Variants in SKIC3 observed in about 807,000 individuals in gnomAD.
The protein encoded by SKIC3 is SKI3 subunit of superkiller complex.
At chr5:95,506,152 C>T in the SKIC3 span, among the ~76,000 whole-genome samples, 1 of 152,012 alleles carries the variant, frequency 6.6e-6, no homozygotes, top group African/African-American at 2.4e-5. Context: ...TTAAATTTAA[C>T]AGTTTAAAAT....
the SKIC3 span, chr5:95,547,254 G>A: frequency 9.6e-6 from 9 of 936,344 alleles, no homozygotes; most frequent in Non-Finnish European, 1.0e-5. Context: ...AAAAGGAAAA[G>A]ACTCCTTCTC....
At chr5:95,523,669 C>A in the SKIC3 span, 3 of 1,613,442 alleles carry the variant, frequency 1.9e-6, no homozygotes, top group Admixed American at 5.0e-5. Flanking sequence ...TCTTCAAGCT[C>A]CACACTTAGG....
the SKIC3 span, among the ~76,000 whole-genome samples, chr5:95,475,754 T>G: frequency 6.6e-6 from 1 of 152,214 alleles, no homozygotes; most frequent in Admixed American, 6.5e-5. Flanking sequence ...GGTGAACTCT[T>G]GCACTTGGTT....
At chr5:95,530,278 AT>A in the SKIC3 span, 2 of 1,601,894 alleles carry the variant, frequency 1.2e-6, no homozygotes, top group Non-Finnish European at 8.5e-7. Context: ...GAGTTTCTAA[AT>A]GCCCAAACCC....
At chr5:95,515,202 A>C in the SKIC3 span, 1 of 378,632 alleles carries the variant, frequency 2.6e-6, no homozygotes, top group Admixed American at 3.8e-5. Flanking sequence ...TAACCAACCA[A>C]TCATCCATCC....
chr5:95,473,991 G>A, the SKIC3 span, among the ~76,000 whole-genome samples: 5 of 152,018 alleles, frequency 3.3e-5, no homozygotes, highest in South Asian at 2.1e-4. Context: ...CAAGGCCGAC[G>A]TCAAAAAAGG....
the SKIC3 span, chr5:95,525,550 A>C: frequency 6.2e-7 from 1 of 1,613,900 alleles, no homozygotes; most frequent in Non-Finnish European, 8.5e-7. Context: ...AAATGCTTTT[A>C]ACTCAAAAAA....
the SKIC3 span, chr5:95,530,172 T>C: frequency 6.2e-7 from 1 of 1,613,732 alleles, no homozygotes; most frequent in Non-Finnish European, 8.5e-7. Flanking sequence ...TGGACCACTT[T>C]TTGAATCCAT....
chr5:95,500,021 C>CT, the SKIC3 span, among the ~76,000 whole-genome samples: 25 of 148,608 alleles, frequency 1.7e-4, no homozygotes, highest in Admixed American at 3.4e-4. Context: ...TTTTTAAAAA[C>CT]TTTTTTTTTT....
chr5:95,499,651 T>C, the SKIC3 span, among the ~76,000 whole-genome samples: 1 of 152,292 alleles, frequency 6.6e-6, no homozygotes, highest in East Asian at 1.9e-4. Flanking sequence ...TTAGAAGGTA[T>C]AAATAATAAA....
At chr5:95,466,167 C>T in the SKIC3 span, among the ~76,000 whole-genome samples, 8 of 152,244 alleles carry the variant, frequency 5.3e-5, no homozygotes, top group African/African-American at 1.4e-4. Flanking sequence ...TAACCCAATA[C>T]ATTTGTATAT....
the SKIC3 span, among the ~76,000 whole-genome samples, chr5:95,486,722 G>A: frequency 3.3e-5 from 5 of 152,142 alleles, no homozygotes; most frequent in East Asian, 1.9e-4. Flanking sequence ...CCAATCTGCC[G>A]CTAACACCGC....
chr5:95,495,883 A>G, the SKIC3 span, among the ~76,000 whole-genome samples: 1 of 152,354 alleles, frequency 6.6e-6, no homozygotes, highest in Admixed American at 6.5e-5. Context: ...TTAAAAACAT[A>G]TTCTTAAAAG....
the SKIC3 span, chr5:95,512,394 T>C: frequency 2.7e-6 from 4 of 1,470,234 alleles, no homozygotes; most frequent in Middle Eastern, 2.4e-4. Flanking sequence ...AATATTTAAT[T>C]TGACATGAAT....
the SKIC3 span, among the ~76,000 whole-genome samples, chr5:95,473,057 G>A: frequency 6.6e-5 from 10 of 152,022 alleles, no homozygotes; most frequent in African/African-American, 1.5e-4. Context: ...TGAATAGTGC[G>A]GTGATAAACA....
chr5:95,509,573 T>C, the SKIC3 span: 3 of 1,561,134 alleles, frequency 1.9e-6, no homozygotes, highest in Non-Finnish European at 2.6e-6. Context: ...CCTGCATCTA[T>C]CACAATTAAA....
the SKIC3 span, among the ~76,000 whole-genome samples, chr5:95,491,541 C>T: frequency 6.6e-6 from 1 of 152,160 alleles, no homozygotes; most frequent in Non-Finnish European, 1.5e-5. Context: ...CCAAGTGAAG[C>T]ATTTATATGA....
At chr5:95,476,931 T>C in the SKIC3 span, among the ~76,000 whole-genome samples, 1 of 152,216 alleles carries the variant, frequency 6.6e-6, no homozygotes, top group Non-Finnish European at 1.5e-5. Context: ...AGTGCTATAG[T>C]TTGCTATTGT....
At chr5:95,489,765 T>C in the SKIC3 span, among the ~76,000 whole-genome samples, 15 of 152,060 alleles carry the variant, frequency 9.9e-5, no homozygotes, top group East Asian at 2.1e-3. Context: ...AGAAAAGAGA[T>C]TGTCAATGCG....
Sources: gnomAD v4.1 joint callset for allele counts (sites outside exome capture counted in the v4.1 genomes callset) on GRCh38, gnomAD v4.1.1 for gene constraint, MANE v1.5 for transcripts, NCBI Gene and HGNC (gene_info 2026-07-23, HGNC 2026-07-21) for gene names.